The following CACNA2D3 variants were observed in gnomAD, a reference collection of about 807,000 sequenced individuals.
CACNA2D3 encodes voltage-dependent calcium channel subunit alpha-2/delta-3.
CACNA2D3 carries 60 observed loss-of-function variants against 160.6 expected under a neutral mutation model. The ratio of observed to expected loss-of-function variants is 0.37; its 90% CI spans 0.30 to 0.46. The LOEUF (loss-of-function observed/expected upper bound fraction) is 0.46, where lower values mean the gene tolerates loss of function less well. CACNA2D3 is among the 20% of genes least tolerant of loss of function. CACNA2D3 has a pLI of 1.00. For missense variants in CACNA2D3, 1,205 were observed against 1,365.0 expected (o/e 0.88, Z 1.85); for synonymous variants, 558 against 492.9 (o/e 1.13, Z -1.75).
At chr3:54,949,320 G>C (rs896763223) in intron 27 of CACNA2D3, among the ~76,000 whole-genome samples, 30 of 152,168 alleles carry the variant, frequency 2.0e-4, no homozygotes, top group African/African-American at 7.2e-4. Context: ...AAATGGTCTA[G>C]GTGTGGATAA....
At chr3:54,961,049 C>G (rs1181243904) in intron 27 of CACNA2D3, among the ~76,000 whole-genome samples, 3 of 152,168 alleles carry the variant, frequency 2.0e-5, no homozygotes, top group African/African-American at 7.2e-5. Flanking sequence ...GTTCTACTTG[C>G]AGTTAACTGT....
At chr3:54,627,329 G>A (rs1397380352) in intron 9 of CACNA2D3, among the ~76,000 whole-genome samples, 1 of 152,136 alleles carries the variant, frequency 6.6e-6, no homozygotes, top group African/African-American at 2.4e-5. Flanking sequence ...TACGTCATGC[G>A]GTGGGAAGAG....
chr3:54,243,995 C>G (rs1055421848), intron 2 of CACNA2D3, among the ~76,000 whole-genome samples: 2 of 152,132 alleles, frequency 1.3e-5, no homozygotes, highest in Non-Finnish European at 2.9e-5. Flanking sequence ...GAGTCCTGCT[C>G]CCCCCGTCCT....
At chr3:54,554,497 A>G (rs1702208561) in intron 5 of CACNA2D3, among the ~76,000 whole-genome samples, 1 of 152,168 alleles carries the variant, frequency 6.6e-6, no homozygotes, top group Non-Finnish European at 1.5e-5. Flanking sequence ...AGGACAGCTG[A>G]ACTGCTGCGG....
At position 54,722,999 on chromosome 3, in the gene CACNA2D3, C is replaced by A. The variant is rs556438201; in HGVS notation, c.1168-29600C>A. ...TCTGCTGAAGCTGCACCCATAGCCG[C>A]CCCCTCCGCCAGGTACTCTGTCCCA... is the stretch of plus-strand genomic sequence containing the variant. On this transcript the variant is annotated intron_variant, in intron 11 of 37. Transcript: ENST00000474759. Among the ~76,000 whole-genome samples, 3 of 152,328 alleles carry A rather than the reference C, an allele frequency of 2.0e-5. No homozygotes were observed. In the South Asian group the frequency reaches 6.2e-4, roughly 32 times the overall value.
intron 3 of CACNA2D3, among the ~76,000 whole-genome samples, chr3:54,337,656 C>T (rs1478108404): frequency 6.6e-6 from 1 of 152,142 alleles, no homozygotes; most frequent in African/African-American, 2.4e-5. Context: ...TGATTTCATG[C>T]CTCTAAAGTT....
At chr3:54,742,372 C>A (rs758243443) in intron 11 of CACNA2D3, among the ~76,000 whole-genome samples, 1 of 151,892 alleles carries the variant, frequency 6.6e-6, no homozygotes, top group Admixed American at 6.6e-5. Flanking sequence ...GAGCTGTGAT[C>A]GAGCCACTGC....
chr3:54,419,858 T>G (rs1340840585), intron 4 of CACNA2D3, among the ~76,000 whole-genome samples: 1 of 152,110 alleles, frequency 6.6e-6, no homozygotes, highest in African/African-American at 2.4e-5. Flanking sequence ...CTCCGTCTCC[T>G]GGATTCAAGC....
chr3:54,289,340 C>G (rs574587112), intron 2 of CACNA2D3, among the ~76,000 whole-genome samples: 52 of 152,146 alleles, frequency 3.4e-4, no homozygotes, highest in Non-Finnish European at 6.6e-4. Context: ...CCTAGGAATC[C>G]AACTTACAAG....
At chr3:54,654,977 C>A (rs564681692) in intron 11 of CACNA2D3, among the ~76,000 whole-genome samples, 1 of 152,284 alleles carries the variant, frequency 6.6e-6, no homozygotes, top group Admixed American at 6.5e-5. Flanking sequence ...GAATAGCTGA[C>A]AAAGCAGAAA....
chr3:54,623,024 C>G (rs62255533), intron 9 of CACNA2D3, among the ~76,000 whole-genome samples: 1 of 152,070 alleles, frequency 6.6e-6, no homozygotes, highest in Non-Finnish European at 1.5e-5. Context: ...GAAGCTTTCA[C>G]GAGGTATGGT....
chr3:54,482,842 G>A (rs1197567938), intron 4 of CACNA2D3, among the ~76,000 whole-genome samples: 1 of 152,214 alleles, frequency 6.6e-6, no homozygotes, highest in Non-Finnish European at 1.5e-5. Flanking sequence ...AAGAGAGAAT[G>A]TGGGAGACTC....
intron 12 of CACNA2D3, among the ~76,000 whole-genome samples, chr3:54,762,737 C>CA (rs1310104856): frequency 6.6e-6 from 1 of 152,128 alleles, no homozygotes; most frequent in African/African-American, 2.4e-5. Context: ...AACTAAAGAC[C>CA]AAAATAGTGT....
At chr3:54,990,813 T>C (rs1158500632) in intron 31 of CACNA2D3, among the ~76,000 whole-genome samples, 2 of 152,226 alleles carry the variant, frequency 1.3e-5, no homozygotes, top group African/African-American at 4.8e-5. Flanking sequence ...CATCCACTTC[T>C]GGGTCTGTAG....
At chr3:54,195,117 T>C (rs1453211863) in intron 2 of CACNA2D3, among the ~76,000 whole-genome samples, 3 of 152,178 alleles carry the variant, frequency 2.0e-5, no homozygotes, top group African/African-American at 7.2e-5. Context: ...GAGGGAGGTT[T>C]CCTAATATGC....
chr3:54,838,459 A>G, intron 15 of CACNA2D3, 109 bp from the exon 16 acceptor site: 5 of 830,822 alleles, frequency 6.0e-6, no homozygotes, highest in Non-Finnish European at 1.0e-5. Context: ...CTCAATCTGT[A>G]TCAGTTTGGG....
intron 9 of CACNA2D3, among the ~76,000 whole-genome samples, chr3:54,588,913 A>G (rs1702810668): frequency 6.6e-6 from 1 of 151,118 alleles, no homozygotes; most frequent in Non-Finnish European, 1.5e-5. Flanking sequence ...TAATAGTTAT[A>G]TATTTAATAT....
chr3:54,200,239 C>A (rs978033729), intron 2 of CACNA2D3, among the ~76,000 whole-genome samples: 1 of 152,180 alleles, frequency 6.6e-6, no homozygotes, highest in African/African-American at 2.4e-5. Flanking sequence ...GGTTACACAG[C>A]TAGTGGGTGG....
At chr3:54,442,480 A>C (rs1045447058) in intron 4 of CACNA2D3, among the ~76,000 whole-genome samples, 2 of 152,142 alleles carry the variant, frequency 1.3e-5, no homozygotes, top group Admixed American at 6.5e-5. Flanking sequence ...CTGGTACATC[A>C]ATGATGTGCT....
Sources: gnomAD v4.1 joint callset for allele counts (sites outside exome capture counted in the v4.1 genomes callset) on GRCh38, gnomAD v4.1.1 for gene constraint, MANE v1.5 for transcripts, NCBI Gene and HGNC (gene_info 2026-07-23, HGNC 2026-07-21) for gene names.